EIPR1: variants seen among roughly 807,000 people sequenced by gnomAD.
EIPR1 encodes the protein EARP complex and GARP complex interacting protein 1, also known as EARP and GARP complex-interacting protein 1.
EIPR1 carries 25 observed loss-of-function variants against 48.1 expected under a neutral mutation model. The ratio of observed to expected loss-of-function variants is 0.52; its 90% confidence interval spans 0.38 to 0.73. The LOEUF (loss-of-function observed/expected upper bound fraction) is 0.73, where lower values mean the gene tolerates loss of function less well. EIPR1 is among the 30% of genes least tolerant of loss of function. EIPR1 has a pLI of 0.00. For synonymous variants in EIPR1, 204 were observed against 201.9 expected (o/e 1.01, Z -0.09); for missense variants, 415 against 506.2 (o/e 0.82, Z 1.73).
chr2:3,288,916 C>A (rs1290479660), intron 3 of EIPR1, among the ~76,000 whole-genome samples: 3 of 152,212 alleles, frequency 2.0e-5, no homozygotes, highest in Non-Finnish European at 4.4e-5. Context: ...GCCCCAGCAG[C>A]CCTGGCCCCC....
At chr2:3,297,832 G>A (rs542958827) in intron 3 of EIPR1, among the ~76,000 whole-genome samples, 2 of 152,008 alleles carry the variant, frequency 1.3e-5, no homozygotes, top group African/African-American at 2.4e-5. Flanking sequence ...TTTTTTGTTC[G>A]TTTGTTTGAG....
chr2:3,314,968 C>A (rs574249629), intron 3 of EIPR1, among the ~76,000 whole-genome samples: 1 of 151,776 alleles, frequency 6.6e-6, no homozygotes, highest in Non-Finnish European at 1.5e-5. Flanking sequence ...GTCCACACAG[C>A]ATCTTCTGCT....
intron 5 of EIPR1, among the ~76,000 whole-genome samples, chr2:3,212,055 T>TA (rs2103130744): frequency 6.6e-6 from 1 of 152,262 alleles, no homozygotes; most frequent in Admixed American, 6.5e-5. Context: ...CCTCAAACAA[T>TA]AAGAAGACAT....
intron 3 of EIPR1, among the ~76,000 whole-genome samples, chr2:3,320,932 G>T (rs944971870): frequency 1.1e-4 from 17 of 152,146 alleles, no homozygotes; most frequent in African/African-American, 4.1e-4. Flanking sequence ...AAAAATTAGA[G>T]CCCCAAAAAT....
At chr2:3,220,641 C>T (rs369657574) in intron 4 of EIPR1, among the ~76,000 whole-genome samples, 207 of 151,890 alleles carry the variant, frequency 1.4e-3, no homozygotes, top group African/African-American at 4.7e-3. Context: ...GGTGCACACA[C>T]GCGATTACCA....
intron 3 of EIPR1, among the ~76,000 whole-genome samples, chr2:3,278,483 C>T (rs1461262488): frequency 2.6e-5 from 4 of 152,164 alleles, no homozygotes; most frequent in Non-Finnish European, 5.9e-5. Flanking sequence ...ACCATCTCTC[C>T]TTAATCCAAG....
chr2:3,371,665 TCAA>T (rs1015338459), intron 1 of EIPR1, among the ~76,000 whole-genome samples: 8 of 152,228 alleles, frequency 5.3e-5, no homozygotes, highest in African/African-American at 1.7e-4. Context: ...AGGGATCAAT[TCAA>T]CAACAAGAGC....
At chr2:3,208,530 T>G (rs1665313616) in intron 5 of EIPR1, 1 of 1,546,408 alleles carries the variant, frequency 6.5e-7, no homozygotes, top group African/African-American at 1.4e-5. Flanking sequence ...TTAAAAGGAC[T>G]ACTTAAAAAT....
chr2:3,212,579 T>C (rs1665494259), intron 5 of EIPR1, among the ~76,000 whole-genome samples: 1 of 152,164 alleles, frequency 6.6e-6, no homozygotes, highest in African/African-American at 2.4e-5. Context: ...TTTATAGTTA[T>C]GTAGGAATGC....
chr2:3,329,096 G>C (rs1180536041), intron 3 of EIPR1, among the ~76,000 whole-genome samples: 2 of 133,568 alleles, frequency 1.5e-5, no homozygotes, highest in Non-Finnish European at 3.2e-5. Context: ...CTGAATCAGA[G>C]CCCACCCACC....
rs371585159 is a variant in EIPR1 at position 3,355,740 on chromosome 2, A to G, written c.43-1107T>C. ...TGGGGCAGGAGGATCACTCGAGCCC[A>G]GGAGTTTGAGGTTACATAAGCCATG... On this transcript the variant is annotated intron_variant, in intron 1 of 8. Coordinates refer to ENST00000382125, the MANE Select transcript of EIPR1 (RefSeq NM_003310.5). Among the ~76,000 whole-genome samples the G allele has an allele frequency of 4.5e-4, 69 of 152,262 alleles. No homozygotes were observed. The South Asian group carries it at 0.013, about 30-fold the overall frequency.
chr2:3,260,981 C>T (rs1254167403), intron 3 of EIPR1, among the ~76,000 whole-genome samples: 1 of 152,226 alleles, frequency 6.6e-6, no homozygotes, highest in Non-Finnish European at 1.5e-5. Context: ...TGAACATTCA[C>T]TTACCAGATG....
intron 8 of EIPR1, among the ~76,000 whole-genome samples, chr2:3,191,410 G>A (rs568482803): frequency 1.4e-4 from 22 of 152,180 alleles, no homozygotes; most frequent in African/African-American, 4.6e-4. Context: ...GAGAGGGTCC[G>A]AAGACAGAGA....
intron 5 of EIPR1, among the ~76,000 whole-genome samples, chr2:3,199,367 A>C (rs1664932220): frequency 6.6e-6 from 1 of 152,230 alleles, no homozygotes; most frequent in Non-Finnish European, 1.5e-5. Context: ...CAGCTTACGA[A>C]GATGACGGGA....
intron 5 of EIPR1, among the ~76,000 whole-genome samples, chr2:3,211,089 G>A (rs113169489): frequency 5.3e-5 from 8 of 152,138 alleles, no homozygotes; most frequent in South Asian, 2.1e-4. Flanking sequence ...TACCTACGTC[G>A]CAAACCTGCA....
At chr2:3,255,554 C>T (rs1177783024) in intron 4 of EIPR1, among the ~76,000 whole-genome samples, 1 of 152,246 alleles carries the variant, frequency 6.6e-6, no homozygotes, top group Non-Finnish European at 1.5e-5. Context: ...ATCAGTTCCC[C>T]ATGACACACA....
chr2:3,372,460 A>G (rs1436917564), intron 1 of EIPR1, among the ~76,000 whole-genome samples: 2 of 151,998 alleles, frequency 1.3e-5, no homozygotes, highest in Admixed American at 6.6e-5. Flanking sequence ...TTTTGAAAGG[A>G]TCAACAAAAT....
At chr2:3,245,399 G>A (rs765423598) in intron 4 of EIPR1, among the ~76,000 whole-genome samples, 5 of 152,108 alleles carry the variant, frequency 3.3e-5, no homozygotes, top group Non-Finnish European at 7.4e-5. Flanking sequence ...TTTTAGTAGG[G>A]ACAGGATTTT....
At chr2:3,210,594 T>C (rs1028178489) in intron 5 of EIPR1, among the ~76,000 whole-genome samples, 1 of 150,752 alleles carries the variant, frequency 6.6e-6, no homozygotes, top group Non-Finnish European at 1.5e-5. Context: ...CCATTCTCCA[T>C]GTCCAGGTCT....
Sources: gnomAD v4.1 joint callset for allele counts (sites outside exome capture counted in the v4.1 genomes callset) on GRCh38, gnomAD v4.1.1 for gene constraint, MANE v1.5 for transcripts, NCBI Gene and HGNC (gene_info 2026-07-23, HGNC 2026-07-21) for gene names.